Variants in NOL4 observed in about 807,000 individuals in gnomAD.
NOL4 encodes cancer/testis antigen 125.
Under a neutral mutation model 75.9 loss-of-function variants are expected in NOL4, and 17 were observed. The observed-to-expected ratio is 0.22, with a 90% confidence interval of 0.15 to 0.34. The LOEUF (loss-of-function observed/expected upper bound fraction) is 0.34. Among genes scored for constraint, NOL4 ranks in the 10% least tolerant of loss-of-function variants. The pLI, the probability that NOL4 is intolerant of heterozygous loss-of-function variation, is 1.00. For missense variants in NOL4, 614 were observed against 793.5 expected, an observed-to-expected ratio of 0.77 and a Z score of 2.72; for synonymous variants, 292 against 289.9, an observed-to-expected ratio of 1.01 and a Z score of -0.07.
intron 5 of NOL4, among the ~76,000 whole-genome samples, chr18:34,052,920 A>G (rs994312334): frequency 1.3e-5 from 2 of 152,056 alleles, no homozygotes; most frequent in Non-Finnish European, 2.9e-5. Context: ...AATATAGATG[A>G]TTAAAATATA....
chr18:34,172,404 A>G (rs1370221672), intron 1 of NOL4, among the ~76,000 whole-genome samples: 2 of 151,928 alleles, frequency 1.3e-5, no homozygotes, highest in African/African-American at 2.4e-5. Context: ...TACATATACT[A>G]TTTTCTTTAT....
intron 9 of NOL4, among the ~76,000 whole-genome samples, chr18:33,909,745 T>C (rs1366640785): frequency 6.6e-6 from 1 of 152,020 alleles, no homozygotes; most frequent in African/African-American, 2.4e-5. Context: ...GCTGGGAATA[T>C]ATCAACAGAA....
intron 6 of NOL4, among the ~76,000 whole-genome samples, chr18:34,004,452 C>A (rs1330301476): frequency 6.6e-6 from 1 of 152,000 alleles, no homozygotes; most frequent in Non-Finnish European, 1.5e-5. Context: ...ATGACAGCAC[C>A]TTTTAATTTT....
intron 9 of NOL4, among the ~76,000 whole-genome samples, chr18:33,929,604 T>C (rs146463334): frequency 8.5e-5 from 13 of 152,296 alleles, no homozygotes; most frequent in Middle Eastern, 3.4e-3. Context: ...ATTAAGAATA[T>C]GATACTATAA....
chr18:34,097,352 T>C (rs76596680), intron 4 of NOL4, among the ~76,000 whole-genome samples: 5,147 of 152,226 alleles, frequency 0.034, 91 homozygotes, highest in Middle Eastern at 0.048. Flanking sequence ...TCATCTCAAA[T>C]CTCAGTGTGC....
At chr18:33,964,157 A>T (rs753543875) in intron 6 of NOL4, among the ~76,000 whole-genome samples, 2 of 152,188 alleles carry the variant, frequency 1.3e-5, no homozygotes, top group African/African-American at 4.8e-5. Flanking sequence ...GGCACCTTTC[A>T]TCTTTATAAC....
At chr18:33,886,680 G>C (rs1395531465) in intron 9 of NOL4, among the ~76,000 whole-genome samples, 1 of 149,226 alleles carries the variant, frequency 6.7e-6, no homozygotes, top group Non-Finnish European at 1.5e-5. Context: ...ATAAATGCTT[G>C]AGGTGATGGC....
At chr18:34,061,507 T>C (rs1202970410) in intron 5 of NOL4, among the ~76,000 whole-genome samples, 1 of 152,104 alleles carries the variant, frequency 6.6e-6, no homozygotes, top group Non-Finnish European at 1.5e-5. Flanking sequence ...GGCCAGGGCT[T>C]TAAAATATTA....
intron 1 of NOL4, among the ~76,000 whole-genome samples, chr18:34,132,835 C>T (rs1210900364): frequency 1.3e-5 from 2 of 151,324 alleles, no homozygotes; most frequent in Admixed American, 1.3e-4. Flanking sequence ...AGACACATCA[C>T]ATATAAGTTA....
intron 10 of NOL4, among the ~76,000 whole-genome samples, chr18:33,877,763 C>T (rs893121071): frequency 6.6e-6 from 1 of 151,722 alleles, no homozygotes; most frequent in African/African-American, 2.4e-5. Context: ...TACCAAATTT[C>T]CTATGTGGCT....
intron 1 of NOL4, among the ~76,000 whole-genome samples, chr18:34,209,374 A>G (rs1568452912): frequency 1.3e-5 from 2 of 152,158 alleles, no homozygotes; most frequent in Non-Finnish European, 2.9e-5. Context: ...TTTAAACCAT[A>G]ACTCTAAAAA....
chr18:33,898,186 T>C (rs1283200595), intron 9 of NOL4, among the ~76,000 whole-genome samples: 2 of 152,186 alleles, frequency 1.3e-5, no homozygotes, highest in East Asian at 3.9e-4. Context: ...GTGCTAGGAT[T>C]ATAGATGTGA....
intron 8 of NOL4, among the ~76,000 whole-genome samples, chr18:33,944,979 T>A (rs960825350): frequency 2.0e-5 from 3 of 151,922 alleles, no homozygotes; most frequent in Non-Finnish European, 2.9e-5. Flanking sequence ...ATATCTTTCT[T>A]GATTGAGCTA....
At chr18:33,883,220 A>G (rs182647400) in intron 10 of NOL4, 24 bp downstream of exon 10, 1 of 1,537,254 alleles carries the variant, frequency 6.5e-7, no homozygotes, top group Admixed American at 2.2e-5. Context: ...TAAAAAAAAA[A>G]CACAATCTAT....
chr18:34,162,955 T>C (rs879324015), intron 1 of NOL4, among the ~76,000 whole-genome samples: 2 of 152,214 alleles, frequency 1.3e-5, no homozygotes, highest in African/African-American at 2.4e-5. Context: ...TCAATAAATG[T>C]AATCCAGCAT....
chr18:33,923,709 G>A (rs896936553), intron 9 of NOL4, among the ~76,000 whole-genome samples: 4 of 151,880 alleles, frequency 2.6e-5, no homozygotes, highest in African/African-American at 4.8e-5. Flanking sequence ...ACTTCAAATC[G>A]TTATCTTTTG....
At chr18:34,072,388 A>G (rs1487317515) in intron 5 of NOL4, among the ~76,000 whole-genome samples, 1 of 152,068 alleles carries the variant, frequency 6.6e-6, no homozygotes, top group Non-Finnish European at 1.5e-5. Context: ...CCAATGGGTC[A>G]ATTTAATAGG....
intron 5 of NOL4, among the ~76,000 whole-genome samples, chr18:34,069,936 C>T (rs1203100218): frequency 2.0e-5 from 3 of 152,266 alleles, no homozygotes; most frequent in Admixed American, 6.5e-5. Flanking sequence ...GCATCCCTCA[C>T]TAATCATATA....
intron 1 of NOL4, among the ~76,000 whole-genome samples, chr18:34,198,594 T>G (rs973860043): frequency 1.3e-5 from 2 of 151,830 alleles, no homozygotes; most frequent in African/African-American, 2.4e-5. Flanking sequence ...TATAGCATAA[T>G]GCATATGCAA....
Sources: gnomAD v4.1 joint callset for allele counts (sites outside exome capture counted in the v4.1 genomes callset) on GRCh38, gnomAD v4.1.1 for gene constraint, MANE v1.5 for transcripts, NCBI Gene and HGNC (gene_info 2026-07-23, HGNC 2026-07-21) for gene names.